The following TAOK1 variants were observed in gnomAD, a reference collection of about 807,000 sequenced individuals.
TAOK1 encodes TAO kinase 1.
A neutral mutation model predicts 138.3 loss-of-function variants in TAOK1; 21 were observed. That is an observed-to-expected ratio of 0.15 (90% CI 0.11 to 0.22). TAOK1 has a LOEUF of 0.22. Among genes scored for constraint, TAOK1 ranks in the 10% least tolerant of loss-of-function variants. TAOK1 has a pLI of 1.00. For synonymous variants in TAOK1, 361 were observed against 398.4 expected, an observed-to-expected ratio of 0.91 and a Z score of 1.12; for missense variants, 651 against 1,227.7, an observed-to-expected ratio of 0.53 and a Z score of 7.02.
chr17:29,513,053 A>ACCC (rs1248291942), intron 15 of TAOK1: 16 of 37,708 alleles, frequency 4.2e-4, no homozygotes, highest in African/African-American at 1.4e-3. Context: ...CTTTTAATTT[A>ACCC]CCCACCCCCC....
At chr17:29,409,594 A>T (rs936891539) in intron 1 of TAOK1, among the ~76,000 whole-genome samples, 2 of 152,114 alleles carry the variant, frequency 1.3e-5, no homozygotes, top group South Asian at 2.1e-4. Flanking sequence ...CAGCCTCCCA[A>T]AGTGCTGGGA....
intron 1 of TAOK1, among the ~76,000 whole-genome samples, chr17:29,430,678 TA>T (rs1251490917): frequency 1.3e-5 from 2 of 152,236 alleles, no homozygotes; most frequent in East Asian, 3.9e-4. Context: ...GAAACAGCCT[TA>T]GGTTCCCTGC....
At chr17:29,509,979 A>C (rs1324920546) in intron 14 of TAOK1, among the ~76,000 whole-genome samples, 2 of 151,378 alleles carry the variant, frequency 1.3e-5, no homozygotes, top group African/African-American at 4.8e-5. Context: ...AGCCTCTCAA[A>C]GTGTTGGGAT....
At chr17:29,468,151 T>TTTTTTTTTTTTTTTTA (rs2030724083) in intron 3 of TAOK1, among the ~76,000 whole-genome samples, 1 of 144,678 alleles carries the variant, frequency 6.9e-6, no homozygotes, top group Non-Finnish European at 1.5e-5. Context: ...TTTTTTTTTT[T>TTTTTTTTTTTTTTTTA]TAGGAGCTGG....
intron 17 of TAOK1, among the ~76,000 whole-genome samples, chr17:29,527,974 T>C (rs1417956126): frequency 1.3e-5 from 2 of 152,316 alleles, no homozygotes; most frequent in East Asian, 1.9e-4. Flanking sequence ...ACGAAGAGGA[T>C]TGTCTCCTCC....
intron 8 of TAOK1, among the ~76,000 whole-genome samples, chr17:29,488,427 A>G (rs958171723): frequency 1.0e-5 from 1 of 97,648 alleles, no homozygotes; most frequent in East Asian, 2.0e-4. Flanking sequence ...AAAATTAGCC[A>G]GGCGTGGCAG....
intron 1 of TAOK1, among the ~76,000 whole-genome samples, chr17:29,424,344 G>A (rs1283062147): frequency 6.7e-6 from 1 of 150,038 alleles, no homozygotes; most frequent in African/African-American, 2.5e-5. Flanking sequence ...GGCTGAGGCA[G>A]GAGAATAGCG....
At chr17:29,531,573 C>T (rs2032109764) in intron 18 of TAOK1, among the ~76,000 whole-genome samples, 1 of 151,768 alleles carries the variant, frequency 6.6e-6, no homozygotes, top group Admixed American at 6.6e-5. Context: ...GAGCAGCCTG[C>T]CCAACATGGC....
chr17:29,402,646 T>C (rs1451453887), intron 1 of TAOK1, among the ~76,000 whole-genome samples: 1 of 152,198 alleles, frequency 6.6e-6, no homozygotes, highest in East Asian at 1.9e-4. Flanking sequence ...ATATCTTTTA[T>C]TTTTATTTTA....
At position 29,461,792 on chromosome 17, in the gene TAOK1, C is replaced by T. The variant is rs1253144886; in HGVS notation, c.133-5353C>T. Among the ~76,000 whole-genome samples the T allele has an allele frequency of 2.6e-5, 4 of 151,604 alleles. No individual in the cohort carries two copies. In the East Asian group the frequency reaches 5.8e-4, roughly 22 times the overall value. ...TGCTGATTTAGGGGGCCAGGAAACTCTCCAATTCAGGTTAGGACCATCCCA... is the reference window on the plus strand; with the variant it reads ...TGCTGATTTAGGGGGCCAGGAAACTTTCCAATTCAGGTTAGGACCATCCCA... On this transcript the variant is annotated intron_variant, in intron 2 of 19. Coordinates refer to ENST00000261716, the MANE Select transcript of TAOK1 (RefSeq NM_020791.4).
At chr17:29,521,222 G>C (rs1366355015) in intron 16 of TAOK1, among the ~76,000 whole-genome samples, 1 of 152,110 alleles carries the variant, frequency 6.6e-6, no homozygotes, top group Non-Finnish European at 1.5e-5. Context: ...TTGGCCTCTG[G>C]GGAGAGAGTC....
At chr17:29,505,723 C>T (rs1004486554) in intron 13 of TAOK1, among the ~76,000 whole-genome samples, 1 of 151,774 alleles carries the variant, frequency 6.6e-6, no homozygotes, top group Non-Finnish European at 1.5e-5. Context: ...AAAAAGAAAT[C>T]AGGAGTTCAA....
intron 2 of TAOK1, among the ~76,000 whole-genome samples, chr17:29,459,662 C>A (rs576355996): frequency 3.9e-5 from 6 of 152,288 alleles, no homozygotes; most frequent in South Asian, 2.1e-4. Flanking sequence ...TGGACACTTA[C>A]ATTGTTTCCA....
At position 29,482,296 on chromosome 17, in the gene TAOK1, T is replaced by A; in HGVS notation, c.655+8T>A. The A allele has an allele frequency of 6.3e-7, 1 of 1,593,588 alleles. No individual in the cohort carries two copies. The highest frequency in any genetic ancestry group is 1.1e-5 in the South Asian group (1 of 88,974). On this transcript the variant is annotated splice_region_variant and intron_variant, in intron 8 of 19. Transcript: ENST00000261716. ...TAACATGTATTGAACTAGGTAAGCA[T>A]TGTTCTTCATTACTATGGATTAAGT... is the stretch of plus-strand genomic sequence containing the variant.
intron 1 of TAOK1, among the ~76,000 whole-genome samples, chr17:29,420,039 T>C (rs1352012264): frequency 6.6e-6 from 1 of 150,774 alleles, no homozygotes; most frequent in Non-Finnish European, 1.5e-5. Flanking sequence ...CTGCAACACC[T>C]GGCTAATTTT....
intron 8 of TAOK1, among the ~76,000 whole-genome samples, chr17:29,486,035 C>T (rs889988536): frequency 3.9e-5 from 6 of 152,140 alleles, no homozygotes; most frequent in African/African-American, 1.4e-4. Context: ...CCTCTAATTG[C>T]AGCACTTTAG....
chr17:29,397,730 CAT>C (rs1240751227), intron 1 of TAOK1, among the ~76,000 whole-genome samples: 1 of 89,022 alleles, frequency 1.1e-5, no homozygotes, highest in Non-Finnish European at 2.2e-5. Flanking sequence ...TATGTATATA[CAT>C]ATATACACGT....
chr17:29,527,903 C>G (rs2150770625), intron 17 of TAOK1, among the ~76,000 whole-genome samples: 1 of 152,334 alleles, frequency 6.6e-6, no homozygotes, highest in East Asian at 1.9e-4. Context: ...TCTTCTGTCT[C>G]TAAACTTAAA....
At chr17:29,413,700 AT>A (rs1366137284) in intron 1 of TAOK1, among the ~76,000 whole-genome samples, 1 of 152,042 alleles carries the variant, frequency 6.6e-6, no homozygotes, top group African/African-American at 2.4e-5. Flanking sequence ...GTTCCAAAGC[AT>A]TTTCCTTAAC....
Sources: allele counts gnomAD v4.1 joint callset (sites outside exome capture counted in the v4.1 genomes callset), GRCh38; gene constraint gnomAD v4.1.1; transcripts MANE v1.5; gene names NCBI Gene and HGNC (gene_info 2026-07-23, HGNC 2026-07-21).